Variants in OPCML observed in about 807,000 individuals in gnomAD.
OPCML encodes the protein opioid-binding protein/cell adhesion molecule.
In OPCML, 13 loss-of-function variants were observed where a neutral mutation model predicts 37.8. The observed-to-expected ratio is 0.34, with a 90% CI of 0.22 to 0.55. The LOEUF (loss-of-function observed/expected upper bound fraction) is 0.55, where lower values mean the gene tolerates loss of function less well. Ranked by LOEUF, OPCML falls within the 20% of genes least tolerant of loss-of-function variation. The pLI, the probability that OPCML is intolerant of heterozygous loss-of-function variation, is 0.91. For synonymous variants in OPCML, 176 were observed against 168.8 expected, an observed-to-expected ratio of 1.04 and a Z score of -0.33; for missense variants, 341 against 435.6, an observed-to-expected ratio of 0.78 and a Z score of 1.93.
intron 1 of OPCML, among the ~76,000 whole-genome samples, chr11:133,042,152 A>G (rs1947913912): frequency 6.6e-6 from 1 of 152,158 alleles, no homozygotes; most frequent in Non-Finnish European, 1.5e-5. Flanking sequence ...CTCCTATTTA[A>G]TGAAGGCAGG....
chr11:133,017,884 G>T (rs1400328870), intron 1 of OPCML, among the ~76,000 whole-genome samples: 2 of 151,860 alleles, frequency 1.3e-5, no homozygotes, highest in Admixed American at 6.6e-5. Flanking sequence ...CTTCAGTTTT[G>T]CAGAAACTGT....
At chr11:132,648,277 C>T (rs1463422937) in intron 3 of OPCML, among the ~76,000 whole-genome samples, 1 of 152,046 alleles carries the variant, frequency 6.6e-6, no homozygotes, top group African/African-American at 2.4e-5. Context: ...GTGATTGCTC[C>T]CCTGCTCACA....
At chr11:133,024,814 C>G in intron 1 of OPCML, 2 of 985,404 alleles carry the variant, frequency 2.0e-6, no homozygotes, top group Non-Finnish European at 2.4e-6. Flanking sequence ...TCAGTTCTAT[C>G]ACTGCCTGGG....
At chr11:133,308,356 C>T (rs140382150) in intron 1 of OPCML, among the ~76,000 whole-genome samples, 1 of 151,850 alleles carries the variant, frequency 6.6e-6, no homozygotes, top group East Asian at 1.9e-4. Context: ...ATGAAACAAC[C>T]TAACTTAATA....
intron 1 of OPCML, among the ~76,000 whole-genome samples, chr11:133,117,528 C>T (rs552432256): frequency 1.5e-4 from 23 of 152,116 alleles, no homozygotes; most frequent in Non-Finnish European, 3.1e-4. Flanking sequence ...TCTCTCTTTC[C>T]CACCATATAC....
intron 1 of OPCML, chr11:133,421,073 G>A: frequency 3.0e-6 from 3 of 985,360 alleles, no homozygotes; most frequent in Non-Finnish European, 3.6e-6. Flanking sequence ...TAGATTATTG[G>A]AGGGCAAACA....
chr11:132,627,670 C>T (rs1438997126), intron 3 of OPCML, among the ~76,000 whole-genome samples: 1 of 152,168 alleles, frequency 6.6e-6, no homozygotes, highest in African/African-American at 2.4e-5. Context: ...CTAGATAAGT[C>T]ATGAAGCAAC....
At chr11:132,479,660 G>A (rs976740167) in intron 4 of OPCML, among the ~76,000 whole-genome samples, 13 of 152,202 alleles carry the variant, frequency 8.5e-5, no homozygotes, top group Non-Finnish European at 1.5e-5. Context: ...GGTTCTCCCA[G>A]TACGCAGCTG....
chr11:132,612,571 G>A lies in OPCML; in HGVS notation c.379+44516C>T, dbSNP rs553778933. On this transcript the variant is annotated intron_variant, in intron 3 of 7. Coordinates refer to ENST00000524381, the MANE Select transcript of OPCML (RefSeq NM_001012393.5). The stretch of plus-strand genomic sequence containing the variant: ...GAATATCACAGAGGCTGGAAGCTGG[G>A]GGTTGATAGCAGGGCAAGGACATAA... 1.1e-4 allele frequency among the ~76,000 whole-genome samples: 16 copies of A among 152,250 alleles called. No individual in the cohort carries two copies. In the South Asian group the frequency reaches 3.3e-3, roughly 32 times the overall value.
intron 1 of OPCML, among the ~76,000 whole-genome samples, chr11:132,978,632 C>G (rs1399399226): frequency 6.6e-6 from 1 of 152,144 alleles, no homozygotes; most frequent in Non-Finnish European, 1.5e-5. Flanking sequence ...GCTTTATAAC[C>G]AAGGAAATAT....
rs961643534 is a variant in OPCML, at chr11:132,849,710, A to G, written c.146+93216T>C. On this transcript the variant is annotated intron_variant, in intron 2 of 7. Coordinates refer to ENST00000524381, the MANE Select transcript of OPCML (RefSeq NM_001012393.5). ...TCAGCAGAGGGACCAGTAAGTAGAAAGCAGACACACAGCCCTTGAAAGGGA... is the reference window on the plus strand; with the variant it reads ...TCAGCAGAGGGACCAGTAAGTAGAAGGCAGACACACAGCCCTTGAAAGGGA... Among the ~76,000 whole-genome samples, 3 of 152,224 alleles carry G rather than the reference A, an allele frequency of 2.0e-5. No individual in the cohort carries two copies. In the South Asian group the frequency reaches 6.2e-4, roughly 32 times the overall value.
At chr11:133,111,140 T>C (rs1949247345) in intron 1 of OPCML, among the ~76,000 whole-genome samples, 1 of 151,814 alleles carries the variant, frequency 6.6e-6, no homozygotes, top group African/African-American at 2.4e-5. Flanking sequence ...GAAAATAGAA[T>C]TCCGACCATT....
chr11:133,379,454 A>G lies in OPCML; in HGVS notation c.61+152810T>C, dbSNP rs115692180. On this transcript the variant is annotated intron_variant, in intron 1 of 7. Transcript: ENST00000524381. ...GCTCATCAGGAAATTTTGTGATTCT[A>G]TATTCAGAGTGTCCCAAACTTTTGT... Among the ~76,000 whole-genome samples, 1,036 of 152,286 alleles carry G rather than the reference A, an allele frequency of 6.8e-3. 10 individuals are homozygous for G. The highest frequency in any genetic ancestry group is 0.024 in the African/African-American group (988 of 41,546).
intron 1 of OPCML, among the ~76,000 whole-genome samples, chr11:133,144,197 T>A (rs1489716403): frequency 6.6e-6 from 1 of 152,190 alleles, no homozygotes; most frequent in Non-Finnish European, 1.5e-5. Flanking sequence ...GCAGCCCATC[T>A]CTGCTTCACT....
chr11:133,387,192 C>A (rs1945073754), intron 1 of OPCML, among the ~76,000 whole-genome samples: 1 of 152,114 alleles, frequency 6.6e-6, no homozygotes, highest in Non-Finnish European at 1.5e-5. Flanking sequence ...TTAATGTGGC[C>A]CTGCTTGGGG....
At chr11:132,864,135 A>C (rs886082017) in intron 2 of OPCML, among the ~76,000 whole-genome samples, 3 of 151,932 alleles carry the variant, frequency 2.0e-5, no homozygotes, top group African/African-American at 7.3e-5. Flanking sequence ...ACGGGGTTTC[A>C]CCATGTTGGC....
intron 2 of OPCML, among the ~76,000 whole-genome samples, chr11:132,917,196 C>T (rs1944636294): frequency 6.6e-6 from 1 of 152,216 alleles, no homozygotes; most frequent in Non-Finnish European, 1.5e-5. Flanking sequence ...GATTTAACAT[C>T]ACGGCTTGTA....
intron 1 of OPCML, among the ~76,000 whole-genome samples, chr11:133,088,700 G>A (rs1038927781): frequency 5.3e-5 from 8 of 152,142 alleles, no homozygotes; most frequent in African/African-American, 1.9e-4. Flanking sequence ...AAATGAGAGT[G>A]GAACAATAGA....
At chr11:132,727,222 T>G (rs1565812747) in intron 2 of OPCML, among the ~76,000 whole-genome samples, 1 of 151,904 alleles carries the variant, frequency 6.6e-6, no homozygotes, top group Non-Finnish European at 1.5e-5. Flanking sequence ...GTCGCTCTCC[T>G]GAGGTCACGT....
Sources: gnomAD v4.1 joint callset for allele counts (sites outside exome capture counted in the v4.1 genomes callset) on GRCh38, gnomAD v4.1.1 for gene constraint, MANE v1.5 for transcripts, NCBI Gene and HGNC (gene_info 2026-07-23, HGNC 2026-07-21) for gene names.